Variants in ABLIM1 observed in about 807,000 individuals in gnomAD.
The protein encoded by ABLIM1 is actin binding LIM protein 1, also known as actin-binding LIM protein 1.
A neutral mutation model predicts 107.0 loss-of-function variants in ABLIM1; 40 were observed. The ratio of observed to expected loss-of-function variants is 0.37; its 90% confidence interval spans 0.29 to 0.49. The LOEUF (loss-of-function observed/expected upper bound fraction) is 0.49. Among genes scored for constraint, ABLIM1 ranks in the 20% least tolerant of loss-of-function variants. ABLIM1 has a pLI of 0.97. For synonymous variants in ABLIM1, 357 were observed against 357.3 expected, an observed-to-expected ratio of 1.00 and a Z score of 0.01; for missense variants, 857 against 1,008.5, an observed-to-expected ratio of 0.85 and a Z score of 2.04.
chr10:114,550,812 A>T (rs2067970548), intron 4 of ABLIM1, among the ~76,000 whole-genome samples: 1 of 152,222 alleles, frequency 6.6e-6, no homozygotes, highest in Non-Finnish European at 1.5e-5. Flanking sequence ...ATCCAAGTCT[A>T]ACTGAAATTT....
intron 7 of ABLIM1, among the ~76,000 whole-genome samples, chr10:114,490,453 A>G (rs2058760769): frequency 6.6e-6 from 1 of 152,236 alleles, no homozygotes; most frequent in Admixed American, 6.5e-5. Flanking sequence ...TTGAGAGAGC[A>G]AAGTGAACAA....
At chr10:114,444,434 A>T (rs1732400499) in intron 16 of ABLIM1, among the ~76,000 whole-genome samples, 1 of 152,124 alleles carries the variant, frequency 6.6e-6, no homozygotes, top group African/African-American at 2.4e-5. Context: ...GGCATGTGTG[A>T]GTGTGTGTGG....
At position 114,745,312 on chromosome 10, in the gene ABLIM1, G is replaced by A. The variant is rs193097557; in HGVS notation, c.-213+22749C>T. 6.5e-4 allele frequency among the ~76,000 whole-genome samples: 99 copies of A among 152,302 alleles called. 1 individual carries two copies. The highest frequency in any genetic ancestry group is 1.4e-3 in the Admixed American group (21 of 15,276). ...GCAGTGGCTCACGCCTGTAATCCTA[G>A]CACTTTGGGAGGCCAAGGCGGGCAG... is the stretch of plus-strand genomic sequence containing the variant. On this transcript the variant is annotated intron_variant, in intron 1 of 15. Transcript: ENST00000651092.
chr10:114,647,289 G>A (rs572144648), intron 1 of ABLIM1, among the ~76,000 whole-genome samples: 16 of 145,628 alleles, frequency 1.1e-4, no homozygotes, highest in African/African-American at 2.8e-4. Flanking sequence ...GTGAGCCACC[G>A]TGCCCAGCCT....
intron 2 of ABLIM1, among the ~76,000 whole-genome samples, chr10:114,594,405 T>A (rs752403161): frequency 6.6e-6 from 1 of 152,204 alleles, no homozygotes; most frequent in Non-Finnish European, 1.5e-5. Flanking sequence ...TTGGAAGACA[T>A]ACATTATAGT....
intron 1 of ABLIM1, among the ~76,000 whole-genome samples, chr10:114,747,550 AG>A (rs2082410468): frequency 6.6e-6 from 1 of 152,182 alleles, no homozygotes; most frequent in African/African-American, 2.4e-5. Flanking sequence ...TTTTTTATGT[AG>A]GGGAGTCACA....
At position 114,571,404 on chromosome 10, in the gene ABLIM1, C is replaced by T. The variant is rs200432876; in HGVS notation, c.566G>A (p.Arg189His). 6.1e-5 allele frequency: 99 copies of T among 1,613,864 alleles called. No individual in the cohort carries two copies. Among genetic ancestry groups the T allele is most frequent in the Middle Eastern group, 1.6e-4 (1 of 6,084 alleles). Reference sequence around the variant, plus strand: ...GACTCGGTCTCCGGGTGGAAACGGGCGCCTGGAGGCAGAAAGACATCGCCC... The same window carrying T: ...GACTCGGTCTCCGGGTGGAAACGGGTGCCTGGAGGCAGAAAGACATCGCCC... ...PNCFACTICK[R>H]PFPPGDRVTF... Residue 189 changes from arginine (R) to histidine (H), a missense_variant and splice_region_variant, in exon 4 of 23, where the codon CGC (arginine) becomes CAC (histidine). Arg to His is a conservative substitution (Grantham distance 29). Around this residue, in one of 5 missense-constraint regions of ABLIM1, gnomAD observed 381 missense variants for 506.9 expected, o/e 0.75. Coordinates refer to ENST00000533213, the MANE Select transcript of ABLIM1 (RefSeq NM_002313.7).
chr10:114,435,828 C>T lies in ABLIM1; in HGVS notation c.*432G>A, dbSNP rs1399052563. The T allele has an allele frequency of 6.4e-6, 1 of 155,878 alleles. No individual in the cohort carries two copies. The highest frequency in any genetic ancestry group is 1.4e-5 in the Non-Finnish European group (1 of 70,234). 9.7% of individuals were successfully genotyped at this position (155,878 alleles called of 1,614,324 possible). The stretch of plus-strand genomic sequence containing the variant: ...CAGACCCCTCACTCTTCCTTCTTAG[C>T]CGCAGCGCTACTTAATAAATATATT... On this transcript the variant is annotated 3_prime_UTR_variant, in exon 23 of 23. Coordinates refer to ENST00000533213, the MANE Select transcript of ABLIM1 (RefSeq NM_002313.7).
intron 1 of ABLIM1, among the ~76,000 whole-genome samples, chr10:114,716,161 T>C (rs2081656133): frequency 6.6e-6 from 1 of 152,232 alleles, no homozygotes; most frequent in African/African-American, 2.4e-5. Flanking sequence ...GCTGACATTA[T>C]ATGTCTCAGA....
At chr10:114,751,115 C>A (rs1227878796) in intron 1 of ABLIM1, among the ~76,000 whole-genome samples, 2 of 152,156 alleles carry the variant, frequency 1.3e-5, no homozygotes, top group Non-Finnish European at 2.9e-5. Context: ...AGGTAATCCT[C>A]ACTTCCAAAA....
At chr10:114,661,012 C>T (rs2079771044), upstream of ABLIM1, among the ~76,000 whole-genome samples, 1 of 152,038 alleles carries the variant, frequency 6.6e-6, no homozygotes, top group Admixed American at 6.6e-5. Flanking sequence ...ATTGTAGCTG[C>T]AGAGCATGCA....
intron 1 of ABLIM1, among the ~76,000 whole-genome samples, chr10:114,627,199 C>T (rs1473766501): frequency 1.3e-5 from 2 of 152,086 alleles, no homozygotes; most frequent in East Asian, 3.8e-4. Flanking sequence ...TTGTCAGGTC[C>T]CATCAATTTT....
intron 1 of ABLIM1, among the ~76,000 whole-genome samples, chr10:114,650,932 C>T (rs1274442811): frequency 1.3e-5 from 2 of 152,060 alleles, no homozygotes; most frequent in African/African-American, 2.4e-5. Context: ...CTCATAATAC[C>T]GCTGCAATGT....
intron 17 of ABLIM1, among the ~76,000 whole-genome samples, chr10:114,443,672 TAAAAAAAAAAAAA>T (rs11418258): frequency 1.9e-5 from 2 of 107,382 alleles, no homozygotes; most frequent in Admixed American, 1.1e-4. Context: ...TCATGTTATC[TAAAAAAAAAAAAA>T]AAAAAAAAGA....
intron 17 of ABLIM1, among the ~76,000 whole-genome samples, chr10:114,443,691 AAAG>A (rs1347181045): frequency 6.7e-6 from 1 of 150,202 alleles, no homozygotes; most frequent in Non-Finnish European, 1.5e-5. Context: ...AAAAAAAAAA[AAAG>A]AAGAAGAAGA....
At chr10:114,718,073 G>GGAAGGAAGGAAGGAAGGAAT (rs1167324337) in intron 1 of ABLIM1, among the ~76,000 whole-genome samples, 1 of 86,210 alleles carries the variant, frequency 1.2e-5, no homozygotes, top group Non-Finnish European at 2.9e-5. Flanking sequence ...AAGGAAGAAA[G>GGAAGGAAGGAAGGAAGGAAT]GAAGGAAGGA....
chr10:114,573,692 T>A (rs906269462), intron 3 of ABLIM1, among the ~76,000 whole-genome samples: 8 of 152,192 alleles, frequency 5.3e-5, no homozygotes, highest in South Asian at 4.1e-4. Context: ...TCTAGTCCAC[T>A]CCCACCCATC....
At chr10:114,541,170 G>A (rs2137331757) in intron 6 of ABLIM1, among the ~76,000 whole-genome samples, 1 of 152,080 alleles carries the variant, frequency 6.6e-6, no homozygotes. Context: ...GCGAGGAAAG[G>A]CCCTTCACTA....
the ABLIM1 span, among the ~76,000 whole-genome samples, chr10:114,797,031 T>C: frequency 6.6e-6 from 1 of 152,318 alleles, no homozygotes; most frequent in Non-Finnish European, 1.5e-5. Context: ...AAATTTGCCA[T>C]CAACAAAACT....
Sources: allele counts gnomAD v4.1 joint callset (sites outside exome capture counted in the v4.1 genomes callset), GRCh38; gene constraint gnomAD v4.1.1; regional missense constraint gnomAD v4.1.1; transcripts MANE v1.5; gene names NCBI Gene and HGNC (gene_info 2026-07-23, HGNC 2026-07-21).